Variants in LONRF2 observed in about 807,000 individuals in gnomAD.
LONRF2 encodes the protein LON peptidase N-terminal domain and ring finger 2, also known as LON peptidase N-terminal domain and RING finger protein 2.
In LONRF2, 35 loss-of-function variants were observed where a neutral mutation model predicts 66.6. That is an observed-to-expected ratio of 0.53 (90% CI 0.40 to 0.70). The LOEUF (loss-of-function observed/expected upper bound fraction) is 0.70, where lower values mean the gene tolerates loss of function less well. Among genes scored for constraint, LONRF2 ranks in the 30% least tolerant of loss-of-function variants. The pLI, the probability that LONRF2 is intolerant of heterozygous loss-of-function variation, is 0.00. For synonymous variants in LONRF2, 417 were observed against 418.1 expected, an observed-to-expected ratio of 1.00 and a Z score of 0.03; for missense variants, 902 against 1,002.1, an observed-to-expected ratio of 0.90 and a Z score of 1.35.
chr2:100,290,855 A>C (rs888107732), intron 9 of LONRF2, among the ~76,000 whole-genome samples: 2 of 152,196 alleles, frequency 1.3e-5, no homozygotes, highest in African/African-American at 4.8e-5. Flanking sequence ...CCCTTATCCT[A>C]GTGATATTCT....
intron 2 of LONRF2, among the ~76,000 whole-genome samples, chr2:100,308,866 A>G (rs1168099657): frequency 6.6e-6 from 1 of 152,162 alleles, no homozygotes; most frequent in Non-Finnish European, 1.5e-5. Context: ...AGAGCATATT[A>G]TTCAGCTAAA....
intron 10 of LONRF2, 148 bp from the exon 11 acceptor site, chr2:100,287,211 A>G: frequency 1.4e-6 from 1 of 712,274 alleles, no homozygotes; most frequent in Non-Finnish European, 2.1e-6. Flanking sequence ...CATGCTCAAT[A>G]TAGAAATCTG....
chr2:100,299,137 C>T (rs1440007698), intron 6 of LONRF2, 89 bp downstream of exon 6: 26 of 983,172 alleles, frequency 2.6e-5, no homozygotes, highest in Non-Finnish European at 3.2e-5. Context: ...CCCTAGTTTC[C>T]GTGATAATAA....
chr2:100,300,182 C>CACACACACATACACAT (rs1675156024), intron 4 of LONRF2, among the ~76,000 whole-genome samples: 1 of 152,184 alleles, frequency 6.6e-6, no homozygotes, highest in Admixed American at 6.5e-5. Flanking sequence ...TATCTACACA[C>CACACACACATACACAT]ACACACACAT....
At chr2:100,317,217 C>A (rs1210987239) in intron 1 of LONRF2, among the ~76,000 whole-genome samples, 6 of 149,762 alleles carry the variant, frequency 4.0e-5, no homozygotes, top group Non-Finnish European at 8.9e-5. Flanking sequence ...CCCACTTATT[C>A]TCTCCTTCTC....
In LONRF2 at chr2:100,282,854, T is replaced by A; in HGVS notation, c.*1444A>T. ...GTCTTTATCTACTGAAACTACTTTA[T>A]CTACTGAAAACTAAAGAAAAATTAA... On this transcript the variant is annotated 3_prime_UTR_variant, in exon 12 of 12. Transcript: ENST00000393437. 1.0e-5 allele frequency: 1 copy of A among 97,178 alleles called. No homozygotes were observed. 6.0% of individuals were successfully genotyped at this position (97,178 alleles called of 1,614,324 possible).
chr2:100,297,326 A>G (rs1425375524), intron 7 of LONRF2, among the ~76,000 whole-genome samples: 1 of 150,952 alleles, frequency 6.6e-6, no homozygotes. Context: ...TTTAGTAGAG[A>G]CGGGGTTTCA....
intron 3 of LONRF2, among the ~76,000 whole-genome samples, chr2:100,301,721 C>A (rs1675189247): frequency 6.6e-6 from 1 of 152,220 alleles, no homozygotes; most frequent in African/African-American, 2.4e-5. Context: ...CCCAGAAGAC[C>A]TAAACCCTGG....
At chr2:100,285,539 A>G (rs1007266637) in intron 11 of LONRF2, among the ~76,000 whole-genome samples, 1 of 152,204 alleles carries the variant, frequency 6.6e-6, no homozygotes, top group Non-Finnish European at 1.5e-5. Flanking sequence ...TATATGGCAG[A>G]GGGAATTGGA....
intron 1 of LONRF2, among the ~76,000 whole-genome samples, chr2:100,318,867 T>C (rs11677524): frequency 0.55 from 81,795 of 147,912 alleles, 23,189 homozygotes; most frequent in East Asian, 0.76. Flanking sequence ...CATGGTGGCT[T>C]ACACCTGATA....
At chr2:100,286,454 C>G (rs796671542) in intron 11 of LONRF2, among the ~76,000 whole-genome samples, 9 of 152,324 alleles carry the variant, frequency 5.9e-5, no homozygotes, top group African/African-American at 1.9e-4. Context: ...AAGCCCATGA[C>G]AGCTGGGCAG....
chr2:100,307,241 G>C (rs979843435), intron 2 of LONRF2, among the ~76,000 whole-genome samples: 3 of 152,078 alleles, frequency 2.0e-5, no homozygotes, highest in African/African-American at 7.2e-5. Context: ...ATTAAACTAC[G>C]TTTTGGCTGA....
chr2:100,284,611 T>C, intron 11 of LONRF2, 119 bp from the exon 12 acceptor site: 1 of 771,030 alleles, frequency 1.3e-6, no homozygotes, highest in Non-Finnish European at 2.0e-6. Flanking sequence ...CCTTGTATTT[T>C]AGGGCTAATT....
Position 100,321,717 on chromosome 2 carries a change from C to A in LONRF2, c.377G>T (p.Gly126Val). The part of the protein sequence containing the change: ...ENPGGEPEAP[G>V]EGGPAPEPRA... ...GGGCTCCGGGGCCGGCCCTCCCTCG[C>A]CGGGCGCCTCGGGCTCGCCGCCCGG... Residue 126 changes from glycine to valine, a missense_variant, in exon 1 of 12, where the codon GGC (glycine) becomes GTC (valine). By Grantham distance (109) the Gly-to-Val change is moderately radical. Coordinates refer to ENST00000393437, the MANE Select transcript of LONRF2 (RefSeq NM_198461.4). 1.7e-6 allele frequency: 2 copies of A among 1,162,434 alleles called. No individual in the cohort carries two copies. The highest frequency in any genetic ancestry group is 9.5e-5 in the Admixed American group (2 of 21,076). 72.0% of individuals were successfully genotyped at this position (1,162,434 alleles called of 1,614,324 possible).
chr2:100,322,254 G>C lies in LONRF2; in HGVS notation c.-161C>G, dbSNP rs906839610. ...GCGAGCGGCTGAGACCGCGGGCGGG[G>C]GCGGGCGCCTGGCTTGGGCAGCGTC... On this transcript the variant is annotated 5_prime_UTR_variant, in exon 1 of 12. Coordinates refer to ENST00000393437, the MANE Select transcript of LONRF2 (RefSeq NM_198461.4). The C allele has an allele frequency of 1.5e-6, 1 of 677,754 alleles. No individual in the cohort carries two copies. The highest frequency in any genetic ancestry group is 2.0e-6 in the Non-Finnish European group (1 of 496,298). 42.0% of individuals were successfully genotyped at this position (677,754 alleles called of 1,614,324 possible).
At chr2:100,288,471 T>A (rs1210686777) in intron 10 of LONRF2, among the ~76,000 whole-genome samples, 1 of 152,246 alleles carries the variant, frequency 6.6e-6, no homozygotes, top group African/African-American at 2.4e-5. Context: ...TTTTAAGTAT[T>A]TTAAAATTTC....
rs577104434 is a variant in LONRF2, at chr2:100,307,156, G to A, written c.798+1951C>T. Among the ~76,000 whole-genome samples the A allele has an allele frequency of 3.3e-5, 5 of 152,142 alleles. No homozygotes were observed. The East Asian group carries it at 5.8e-4, about 18-fold the overall frequency. On this transcript the variant is annotated intron_variant, in intron 2 of 11. Transcript: ENST00000393437. ...TGGATGGTCTCGATCTCCTGACCTC[G>A]TGATCCGCCCGTCTCGGCCTCCGAA...
At chr2:100,292,797 T>C (rs757726923) in intron 9 of LONRF2, among the ~76,000 whole-genome samples, 8 of 152,206 alleles carry the variant, frequency 5.3e-5, no homozygotes, top group Non-Finnish European at 7.3e-5. Context: ...TGTTTTTATA[T>C]TTTGTTTTTC....
At chr2:100,287,588 G>A (rs1674873340) in intron 10 of LONRF2, among the ~76,000 whole-genome samples, 1 of 152,166 alleles carries the variant, frequency 6.6e-6, no homozygotes, top group African/African-American at 2.4e-5. Flanking sequence ...TATTCCTAAA[G>A]GCACGACAGG....
Sources: allele counts gnomAD v4.1 joint callset (sites outside exome capture counted in the v4.1 genomes callset), GRCh38; gene constraint gnomAD v4.1.1; transcripts MANE v1.5; gene names NCBI Gene and HGNC (gene_info 2026-07-23, HGNC 2026-07-21).